The following ZHX3 variants were observed in gnomAD, a reference collection of about 807,000 sequenced individuals.
ZHX3 encodes the protein zinc fingers and homeoboxes protein 3.
ZHX3 carries 20 observed loss-of-function variants against 64.5 expected under a neutral mutation model. The ratio of observed to expected loss-of-function variants is 0.31; its 90% CI spans 0.22 to 0.45. The LOEUF (loss-of-function observed/expected upper bound fraction) is 0.45. ZHX3 is among the 20% of genes least tolerant of loss of function. ZHX3 has a pLI of 1.00. For synonymous variants in ZHX3, 423 were observed against 461.6 expected (o/e 0.92, Z 1.07); for missense variants, 1,041 against 1,195.8 (o/e 0.87, Z 1.91).
chr20:41,205,239 T>G (rs1027030127), intron 2 of ZHX3, among the ~76,000 whole-genome samples, 173 bp from the exon 3 acceptor site: 59 of 152,292 alleles, frequency 3.9e-4, no homozygotes, highest in African/African-American at 1.3e-3. Context: ...TGACAAAAAC[T>G]GGACCCTGAA....
chr20:41,236,632 A>G (rs1414528042), intron 2 of ZHX3, among the ~76,000 whole-genome samples: 2 of 152,264 alleles, frequency 1.3e-5, no homozygotes, highest in African/African-American at 2.4e-5. Context: ...AAGATGGATT[A>G]AAGACTTAAA....
chr20:41,262,760 T>TA (rs1391571638), intron 2 of ZHX3, among the ~76,000 whole-genome samples: 1 of 151,990 alleles, frequency 6.6e-6, no homozygotes, highest in Non-Finnish European at 1.5e-5. Context: ...GCAAAATACT[T>TA]ATGAGTACCA....
chr20:41,202,104 C>T lies in ZHX3; in HGVS notation c.2813G>A (p.Ser938Asn). 1 of 1,613,084 alleles carries T rather than the reference C, an allele frequency of 6.2e-7. No homozygotes were observed. The highest frequency in any genetic ancestry group is 8.5e-7 in the Non-Finnish European group (1 of 1,179,458). Residue 938 changes from serine to asparagine, a missense_variant, in exon 3 of 4, where the codon AGC becomes AAC. This residue lies in a region of ZHX3 where 649 missense variants were observed against 739.8 expected (regional missense o/e 0.88). Coordinates refer to ENST00000683867, the MANE Select transcript of ZHX3 (RefSeq NM_001384317.1). The surrounding 1 kb of genome is among the most constrained non-coding windows in gnomAD (Gnocchi z 7.0). ...ESWEPRVPEASSEPFDTSSPQ... is the reference protein window; with the variant it reads ...ESWEPRVPEANSEPFDTSSPQ... The stretch of plus-strand genomic sequence containing the variant: ...ACTCGATGTGTCAAAGGGCTCTGAG[C>T]TGGCCTCAGGGACACGGGGCTCCCA...
rs1317027594 is a variant in ZHX3 at position 41,226,173 on chromosome 20, G to A, written c.-150-21107C>T. ...AGCACTTTGGGAGGCCGAGGCGGGT[G>A]GATCATGAGGTCAGGAGATCGAAAC... On this transcript the variant is annotated intron_variant, in intron 2 of 3. Transcript: ENST00000683867. The surrounding 1 kb of genome is among the most constrained non-coding windows in gnomAD (Gnocchi z 4.4). Among the ~76,000 whole-genome samples, 1 of 152,030 alleles carries A rather than the reference G, an allele frequency of 6.6e-6. No homozygotes were observed. Among genetic ancestry groups the A allele is most frequent in the East Asian group, 1.9e-4 (1 of 5,174 alleles).
At chr20:41,284,015 A>G (rs2043818764) in intron 1 of ZHX3, among the ~76,000 whole-genome samples, 1 of 152,194 alleles carries the variant, frequency 6.6e-6, no homozygotes, top group South Asian at 2.1e-4. Context: ...TGTAATTTTA[A>G]AAAAGAAAAA....
At chr20:41,283,962 T>G (rs1205438450) in intron 1 of ZHX3, among the ~76,000 whole-genome samples, 2 of 152,252 alleles carry the variant, frequency 1.3e-5, no homozygotes. Context: ...CTGTATCTTT[T>G]GGAGGGTACA....
chr20:41,245,517 G>A (rs1169100155), intron 2 of ZHX3, among the ~76,000 whole-genome samples: 2 of 152,186 alleles, frequency 1.3e-5, no homozygotes, highest in Admixed American at 6.5e-5. Context: ...AAGAGTTAAC[G>A]CTGAGGTGAA....
At chr20:41,217,968 A>C (rs1018629012) in intron 2 of ZHX3, among the ~76,000 whole-genome samples, 3 of 152,174 alleles carry the variant, frequency 2.0e-5, no homozygotes, top group African/African-American at 7.2e-5. Flanking sequence ...AGATTTTACA[A>C]CCTGAACTAT....
chr20:41,202,853 C>T lies in ZHX3; in HGVS notation c.2064G>A (p.Glu688=), dbSNP rs753628203. Residue 688 remains glutamate, a synonymous_variant, in exon 3 of 4, where the codon GAG becomes GAA. Transcript: ENST00000683867. The surrounding 1 kb of genome is among the most constrained non-coding windows in gnomAD (Gnocchi z 7.0). ...CCAAATCCTCTTCTCCACCCTCATCCTCAGCAGCCTCCTCTTCCTCCTGAG... is the reference window on the plus strand; with the variant it reads ...CCAAATCCTCTTCTCCACCCTCATCTTCAGCAGCCTCCTCTTCCTCCTGAG... ...NASQEEEEAA[E]DEGGEEDLAS... The T allele has an allele frequency of 2.8e-5, 46 of 1,614,060 alleles. No homozygotes were observed. The highest frequency in any genetic ancestry group is 3.7e-5 in the Non-Finnish European group (44 of 1,180,040).
At chr20:41,254,545 T>C (rs2042142364) in intron 2 of ZHX3, 1 of 152,160 alleles carries the variant, frequency 6.6e-6, no homozygotes, top group South Asian at 2.1e-4. Context: ...AAGCCCTGAC[T>C]CCTGACTGCT....
intron 2 of ZHX3, among the ~76,000 whole-genome samples, chr20:41,220,020 C>T (rs192895914): frequency 6.6e-6 from 1 of 152,356 alleles, no homozygotes; most frequent in East Asian, 1.9e-4. Context: ...TAGCTTGTTA[C>T]TGCAGCCCAT....
At chr20:41,280,335 A>T (rs2043613968) in intron 1 of ZHX3, among the ~76,000 whole-genome samples, 2 of 152,200 alleles carry the variant, frequency 1.3e-5, no homozygotes, top group African/African-American at 4.8e-5. Flanking sequence ...AATGCAACTG[A>T]ATCAGTATTT....
intron 3 of ZHX3, chr20:41,196,598 A>T (rs1404442606): frequency 2.1e-4 from 22 of 103,636 alleles, no homozygotes; most frequent in African/African-American, 7.1e-4. Flanking sequence ...TATATATATA[A>T]ATATTTTATC....
intron 2 of ZHX3, among the ~76,000 whole-genome samples, chr20:41,263,930 G>A (rs1288100058): frequency 6.6e-6 from 1 of 151,502 alleles, no homozygotes; most frequent in African/African-American, 2.4e-5. Context: ...TGATACTACT[G>A]GCAAGTGCAA....
intron 1 of ZHX3, among the ~76,000 whole-genome samples, chr20:41,316,654 A>G (rs2045295663): frequency 6.6e-6 from 1 of 152,046 alleles, no homozygotes; most frequent in Admixed American, 6.6e-5. Flanking sequence ...TCACTCCCCC[A>G]CCCCAAGTCA....
intron 3 of ZHX3, among the ~76,000 whole-genome samples, chr20:41,189,857 T>G (rs553745990): frequency 4.7e-4 from 72 of 152,312 alleles, no homozygotes; most frequent in Non-Finnish European, 8.7e-4. Flanking sequence ...CTTCCAGTAC[T>G]ATGCTGAATA....
intron 2 of ZHX3, among the ~76,000 whole-genome samples, chr20:41,223,665 G>A (rs1012836666): frequency 6.6e-6 from 1 of 152,218 alleles, no homozygotes; most frequent in Non-Finnish European, 1.5e-5. Context: ...ATGTGTTTGA[G>A]GGAAGCTTTT....
rs966508036 is a variant in ZHX3 at position 41,315,258 on chromosome 20, A to G, written c.-245+2251T>C. On this transcript the variant is annotated intron_variant, in intron 1 of 3. Coordinates refer to ENST00000683867, the MANE Select transcript of ZHX3 (RefSeq NM_001384317.1). ...AGTGCGGTGGTGTGATCTTGGCTCA[A>G]TGCAACCTCCGCATCCCGGGTTCAA... Among the ~76,000 whole-genome samples the G allele has an allele frequency of 2.0e-5, 3 of 150,858 alleles. No individual in the cohort carries two copies. In the East Asian group the frequency reaches 5.9e-4, roughly 29 times the overall value.
intron 1 of ZHX3, among the ~76,000 whole-genome samples, chr20:41,272,990 C>A (rs1311428830): frequency 6.6e-6 from 1 of 152,110 alleles, no homozygotes; most frequent in African/African-American, 2.4e-5. Flanking sequence ...ACATTCCCAC[C>A]AGCAAAGTAC....
Sources: allele counts gnomAD v4.1 joint callset (sites outside exome capture counted in the v4.1 genomes callset), GRCh38; gene constraint gnomAD v4.1.1; regional missense constraint gnomAD v4.1.1; non-coding constraint Gnocchi (gnomAD v3.1); transcripts MANE v1.5; gene names NCBI Gene and HGNC (gene_info 2026-07-23, HGNC 2026-07-21).